CNTN5: variants seen among roughly 807,000 people sequenced by gnomAD.
CNTN5 encodes the protein contactin 5.
Under a neutral mutation model 129.1 loss-of-function variants are expected in CNTN5, and 77 were observed. The ratio of observed to expected loss-of-function variants is 0.60; its 90% CI spans 0.50 to 0.72. The LOEUF (loss-of-function observed/expected upper bound fraction) is 0.72. CNTN5 is among the 30% of genes least tolerant of loss of function. The pLI is 0.00. For missense variants in CNTN5, 1,478 were observed against 1,328.8 expected (o/e 1.11, Z -1.75); for synonymous variants, 509 against 465.6 (o/e 1.09, Z -1.20).
rs555580802 is a variant in CNTN5 at position 99,868,260 on chromosome 11, CAG to C, written c.577+23002_577+23003del. 8.6e-4 allele frequency among the ~76,000 whole-genome samples: 131 copies of C among 151,448 alleles called. 1 individual carries two copies. Among genetic ancestry groups the C allele is most frequent in the African/African-American group, 2.9e-3 (119 of 41,352 alleles). On this transcript the variant is annotated intron_variant, in intron 6 of 24. Transcript: ENST00000524871. ...AAAATTGTATTCTACATAAAACAAT[CAG>C]AGAACAAAGCATTGTATAAGAAAAT...
chr11:99,638,578 A>G (rs1241508255), intron 3 of CNTN5, among the ~76,000 whole-genome samples: 1 of 152,230 alleles, frequency 6.6e-6, no homozygotes, highest in East Asian at 1.9e-4. Flanking sequence ...CTTCCTAGAT[A>G]CAATGGTGGT....
intron 2 of CNTN5, among the ~76,000 whole-genome samples, chr11:99,386,815 G>A (rs1424626885): frequency 2.0e-5 from 3 of 152,102 alleles, no homozygotes; most frequent in Non-Finnish European, 2.9e-5. Flanking sequence ...GCCAGATATA[G>A]GGAAACAGAG....
At chr11:99,892,915 G>T (rs549407382) in intron 6 of CNTN5, among the ~76,000 whole-genome samples, 7 of 152,240 alleles carry the variant, frequency 4.6e-5, no homozygotes, top group African/African-American at 7.2e-5. Context: ...AAATAAGTTT[G>T]GGCAGTATGG....
At chr11:99,355,864 T>C (rs1938623832) in intron 2 of CNTN5, among the ~76,000 whole-genome samples, 1 of 151,328 alleles carries the variant, frequency 6.6e-6, no homozygotes, top group Non-Finnish European at 1.5e-5. Context: ...TCTCGCTCTT[T>C]CGCCCAGGCC....
chr11:99,260,586 A>T (rs1034716330), intron 1 of CNTN5, among the ~76,000 whole-genome samples: 6 of 151,944 alleles, frequency 3.9e-5, no homozygotes, highest in Non-Finnish European at 7.4e-5. Flanking sequence ...GGTCCAAATC[A>T]TTATTTCTGA....
chr11:99,692,544 A>C (rs1954082050), intron 3 of CNTN5, among the ~76,000 whole-genome samples: 1 of 152,050 alleles, frequency 6.6e-6, no homozygotes, highest in Non-Finnish European at 1.5e-5. Context: ...TTCTTTAATA[A>C]TATTGAATAT....
intron 2 of CNTN5, among the ~76,000 whole-genome samples, chr11:99,462,690 T>G (rs527465585): frequency 7.0e-4 from 107 of 152,280 alleles, no homozygotes; most frequent in African/African-American, 2.3e-3. Flanking sequence ...TGCTAACACC[T>G]GAAACCTATA....
intron 3 of CNTN5, among the ~76,000 whole-genome samples, chr11:99,702,810 T>G (rs1591502346): frequency 6.6e-6 from 1 of 151,050 alleles, no homozygotes; most frequent in East Asian, 1.9e-4. Context: ...AAATATTGGT[T>G]TGAAAAGCTG....
chr11:100,244,306 C>G (rs1344638560), intron 16 of CNTN5, among the ~76,000 whole-genome samples: 1 of 152,154 alleles, frequency 6.6e-6, no homozygotes, highest in African/African-American at 2.4e-5. Context: ...TCTTTAACTG[C>G]TAGCCCAGAG....
chr11:99,539,965 G>A (rs1481498846), intron 2 of CNTN5, among the ~76,000 whole-genome samples: 1 of 152,090 alleles, frequency 6.6e-6, no homozygotes, highest in Non-Finnish European at 1.5e-5. Context: ...TTGTGAAAGT[G>A]TTGAATTAAT....
chr11:99,710,994 G>A (rs1954962415), intron 3 of CNTN5, among the ~76,000 whole-genome samples: 1 of 151,884 alleles, frequency 6.6e-6, no homozygotes, highest in Admixed American at 6.6e-5. Flanking sequence ...GTATTAATGT[G>A]TCCCACATAT....
At chr11:99,364,204 A>T (rs1279754325) in intron 2 of CNTN5, among the ~76,000 whole-genome samples, 1 of 151,858 alleles carries the variant, frequency 6.6e-6, no homozygotes, top group African/African-American at 2.4e-5. Context: ...TTTTTTAATT[A>T]GATGGTGTTA....
At chr11:99,977,248 G>C (rs993896838) in intron 8 of CNTN5, among the ~76,000 whole-genome samples, 1 of 152,100 alleles carries the variant, frequency 6.6e-6, no homozygotes, top group Non-Finnish European at 1.5e-5. Context: ...ATCACTATCA[G>C]CATTTTGGCC....
chr11:99,033,846 C>G (rs1353410581), intron 1 of CNTN5, among the ~76,000 whole-genome samples: 1 of 151,628 alleles, frequency 6.6e-6, no homozygotes, highest in Admixed American at 6.6e-5. Flanking sequence ...TGTCTTGTGC[C>G]AGTTTTCAAA....
At chr11:99,229,124 G>T (rs906546736) in intron 1 of CNTN5, among the ~76,000 whole-genome samples, 2 of 151,914 alleles carry the variant, frequency 1.3e-5, no homozygotes, top group Non-Finnish European at 2.9e-5. Flanking sequence ...TGAGCAACTT[G>T]TCCTACCATT....
intron 1 of CNTN5, among the ~76,000 whole-genome samples, chr11:99,238,918 T>G (rs572242096): frequency 6.6e-6 from 1 of 152,160 alleles, no homozygotes; most frequent in African/African-American, 2.4e-5. Context: ...CTGAAGAAAA[T>G]TTGGCAAATG....
chr11:100,092,651 C>A (rs1204930645), intron 13 of CNTN5, among the ~76,000 whole-genome samples: 1 of 152,114 alleles, frequency 6.6e-6, no homozygotes, highest in African/African-American at 2.4e-5. Flanking sequence ...TTAGAGGTGG[C>A]ACACCACATT....
intron 1 of CNTN5, among the ~76,000 whole-genome samples, chr11:99,292,482 T>A (rs545095974): frequency 6.6e-6 from 1 of 152,160 alleles, no homozygotes; most frequent in South Asian, 2.1e-4. Context: ...GTCGAATTGC[T>A]CTGGCTAGGA....
chr11:99,995,519 T>C (rs977376378), intron 8 of CNTN5, among the ~76,000 whole-genome samples: 1 of 152,196 alleles, frequency 6.6e-6, no homozygotes, highest in African/African-American at 2.4e-5. Context: ...TTTTTCCCTT[T>C]GCATGTCCAG....
Sources: gnomAD v4.1 joint callset for allele counts (sites outside exome capture counted in the v4.1 genomes callset) on GRCh38, gnomAD v4.1.1 for gene constraint, MANE v1.5 for transcripts, NCBI Gene and HGNC (gene_info 2026-07-23, HGNC 2026-07-21) for gene names.